The following DNAH2 variants were observed in gnomAD, a reference collection of about 807,000 sequenced individuals.
DNAH2 encodes dynein axonemal heavy chain 2.
DNAH2 carries 323 observed loss-of-function variants against 523.5 expected under a neutral mutation model. The ratio of observed to expected loss-of-function variants is 0.62; its 90% CI spans 0.56 to 0.68. DNAH2 has a LOEUF of 0.68. Among genes scored for constraint, DNAH2 ranks in the 30% least tolerant of loss-of-function variants. The pLI, the probability that DNAH2 is intolerant of heterozygous loss-of-function variation, is 0.00. For synonymous variants in DNAH2, 2,093 were observed against 2,177.4 expected (o/e 0.96, Z 1.08); for missense variants, 4,907 against 5,701.5 (o/e 0.86, Z 4.49).
In DNAH2 at chr17:7,817,863, G is replaced by A. The variant is rs760556704; in HGVS notation, c.10236+7G>A. On this transcript the variant is annotated splice_region_variant and intron_variant, in intron 67 of 85. Coordinates refer to ENST00000572933, the MANE Select transcript of DNAH2 (RefSeq NM_020877.5). The stretch of plus-strand genomic sequence containing the variant: ...GAACATGGAAGGAGGCCAGGTGTGA[G>A]GCTGGGGGGTCAGGTTAGCCCCCCC... 3 of 1,612,410 alleles carry A rather than the reference G, an allele frequency of 1.9e-6. No individual in the cohort carries two copies. The South Asian group carries it at 3.3e-5, about 18-fold the overall frequency.
At position 7,740,961 on chromosome 17, in the gene DNAH2, T is replaced by G. The variant is rs1555540448; in HGVS notation, c.1658T>G (p.Ile553Ser). 3.7e-6 allele frequency: 6 copies of G among 1,606,602 alleles called. No individual in the cohort carries two copies. The highest frequency in any genetic ancestry group is 5.1e-6 in the Non-Finnish European group (6 of 1,174,146). ...QYSGKARWVH[I>S]LRRRIDRVMT... ...TCCGGAAAGGCGCGCTGGGTGCACA[T>G]CCTCCGGCGTCGCATCGACAGAGTC... is the stretch of plus-strand genomic sequence containing the variant. Residue 553 changes from isoleucine (I) to serine (S), a missense_variant, in exon 11 of 86, where the codon ATC (isoleucine) becomes AGC (serine). By Grantham distance (142) the Ile-to-Ser change is moderately radical (BLOSUM62 -2). Around this residue, in one of 3 missense-constraint regions of DNAH2, gnomAD observed 2,806 missense variants for 3,190.8 expected, o/e 0.88. Transcript: ENST00000572933.
chr17:7,721,183 T>A (rs2074593931), intron 2 of DNAH2, among the ~76,000 whole-genome samples: 2 of 151,804 alleles, frequency 1.3e-5, no homozygotes, highest in African/African-American at 2.4e-5. Flanking sequence ...TTATTTTTTT[T>A]ATTTTTTTGA....
At chr17:7,755,554 G>A (rs1188243986) in intron 12 of DNAH2, among the ~76,000 whole-genome samples, 4 of 152,114 alleles carry the variant, frequency 2.6e-5, no homozygotes, top group Non-Finnish European at 4.4e-5. Flanking sequence ...GAAAAACCAG[G>A]GGTCAGTGGT....
chr17:7,806,942 G>A lies in DNAH2; in HGVS notation c.9443-208G>A, dbSNP rs1408333230. Among the ~76,000 whole-genome samples the A allele has an allele frequency of 2.6e-5, 4 of 152,246 alleles. No homozygotes were observed. The East Asian group carries it at 7.7e-4, about 29-fold the overall frequency. The stretch of plus-strand genomic sequence containing the variant: ...CAAGGTAAGTGATGAGAGAGGAGCT[G>A]GGAAGATTGTCGAGGACCTTGGGGA... On this transcript the variant is annotated intron_variant, in intron 61 of 85. Transcript: ENST00000572933.
At chr17:7,738,682 C>T (rs1597486928) in intron 8 of DNAH2, among the ~76,000 whole-genome samples, 2 of 152,238 alleles carry the variant, frequency 1.3e-5, no homozygotes, top group Middle Eastern at 6.8e-3. Flanking sequence ...CCTACCTGGT[C>T]TTTTCCTCCT....
At position 7,798,383 on chromosome 17, in the gene DNAH2, T is replaced by G; in HGVS notation, c.8398+59T>G. The G allele has an allele frequency of 6.4e-7, 1 of 1,561,160 alleles. No homozygotes were observed. Among genetic ancestry groups the G allele is most frequent in the Non-Finnish European group, 8.7e-7 (1 of 1,151,828 alleles). On this transcript the variant is annotated intron_variant, in intron 54 of 85. Transcript: ENST00000572933. This position sits in a 1 kb window ranked among gnomAD's most constrained non-coding sequence, Gnocchi z 5.5. ...AGATCAGATGCATACATTCCTGCAG[T>G]GACAAGAGAGGAGAGATGGCAGCCA...
Position 7,833,506 on chromosome 17 carries a change from T to A in DNAH2, c.13257T>A (p.Thr4419=). The change falls in exon 86 of 86, where the codon ACT becomes ACA. Residue 4419 remains threonine, a synonymous_variant. Coordinates refer to ENST00000572933, the MANE Select transcript of DNAH2 (RefSeq NM_020877.5). ...MTPDHWIKRG[T]ALLMSLDS ...CTGATCATTGGATCAAGAGGGGCACTGCTCTACTCATGAGCCTGGACAGCT... is the reference window on the plus strand; with the variant it reads ...CTGATCATTGGATCAAGAGGGGCACAGCTCTACTCATGAGCCTGGACAGCT... 6.2e-7 allele frequency: 1 copy of A among 1,614,114 alleles called. No individual in the cohort carries two copies. The highest frequency in any genetic ancestry group is 8.5e-7 in the Non-Finnish European group (1 of 1,180,046).
At chr17:7,768,902 T>C (rs931042013) in intron 24 of DNAH2, among the ~76,000 whole-genome samples, 4 of 152,118 alleles carry the variant, frequency 2.6e-5, no homozygotes, top group African/African-American at 7.2e-5. Context: ...GGCTGAAGAG[T>C]ATTTCTTTGT....
At chr17:7,779,132 T>G in intron 35 of DNAH2, 111 bp from the exon 36 acceptor site, 2 of 1,304,158 alleles carry the variant, frequency 1.5e-6, no homozygotes, top group Non-Finnish European at 2.1e-6. Flanking sequence ...TGCCCCCTAG[T>G]CTGGAGGCCG....
At chr17:7,792,588 G>A in intron 46 of DNAH2, 69 bp from the exon 47 acceptor site, 1 of 1,349,836 alleles carries the variant, frequency 7.4e-7, no homozygotes, top group Non-Finnish European at 1.0e-6. Flanking sequence ...TGACGTAGAG[G>A]GAAAGGAAGT....
rs1479062833 is a variant in DNAH2 at position 7,817,568 on chromosome 17, A to G, written c.10028A>G (p.Glu3343Gly). The change falls in exon 66 of 86, where the codon GAG (glutamate) becomes GGG (glycine). Residue 3343 changes from glutamate to glycine, a missense_variant. This residue lies in a region of DNAH2 where 1,851 missense variants were observed against 2,139.4 expected (regional missense o/e 0.87). Transcript: ENST00000572933. ...VNQIWIGKIWELQVPCSPSFA... is the reference protein window; with the variant it reads ...VNQIWIGKIWGLQVPCSPSFA... The stretch of plus-strand genomic sequence containing the variant: ...GGGCTTTTCTCTCCCCAGATCTGGG[A>G]GCTTCAGGTTCCTTGCTCCCCTTCT... 6.2e-7 allele frequency: 1 copy of G among 1,613,856 alleles called. No homozygotes were observed. Among genetic ancestry groups the G allele is most frequent in the Non-Finnish European group, 8.5e-7 (1 of 1,179,992 alleles).
At position 7,780,906 on chromosome 17, in the gene DNAH2, T is replaced by TC; in HGVS notation, c.6003+128dup. The TC allele has an allele frequency of 6.3e-7, 1 of 1,580,032 alleles. No homozygotes were observed. The highest frequency in any genetic ancestry group is 1.1e-5 in the South Asian group (1 of 88,098). On this transcript the variant is annotated intron_variant, in intron 38 of 85. Transcript: ENST00000572933. This position sits in a 1 kb window ranked among gnomAD's most constrained non-coding sequence, Gnocchi z 4.4. ...ATTCTCACCTTCCCACCTCGTCCCA[T>TC]CCCCGTGTTGCCCGCTGCTTTGCTA...
chr17:7,830,483 G>A lies in DNAH2; in HGVS notation c.12037G>A (p.Asp4013Asn), dbSNP rs1328842708. 9.9e-6 allele frequency: 16 copies of A among 1,614,038 alleles called. No individual in the cohort carries two copies. The highest frequency in any genetic ancestry group is 1.4e-5 in the Non-Finnish European group (16 of 1,179,958). The change falls in exon 78 of 86, where the codon GAC becomes AAC. Residue 4013 changes from aspartate to asparagine, a missense_variant. This residue lies in a region of DNAH2 where 1,851 missense variants were observed against 2,139.4 expected (regional missense o/e 0.87). Transcript: ENST00000572933. ...CATCATCTATGGCTTCAATGACTCC[G>A]ACTTTGAGGTTTGCATTAGCCAGGG... ...WNIIYGFNDS[D>N]FEVSENLLSL...
rs778722534 is a variant in DNAH2 at position 7,759,629 on chromosome 17, C to T, written c.2637+19C>T. 5 of 1,609,686 alleles carry T rather than the reference C, an allele frequency of 3.1e-6. No homozygotes were observed. Among genetic ancestry groups the T allele is most frequent in the Non-Finnish European group, 4.2e-6 (5 of 1,177,520 alleles). On this transcript the variant is annotated intron_variant, in intron 16 of 85. Coordinates refer to ENST00000572933, the MANE Select transcript of DNAH2 (RefSeq NM_020877.5). Reference sequence around the variant, plus strand: ...GGCACAGGTAAGAACCACTTTGCCCCCAACATCTCAAAACCATTGCATCTT... The same window carrying T: ...GGCACAGGTAAGAACCACTTTGCCCTCAACATCTCAAAACCATTGCATCTT...
chr17:7,740,072 G>GC (rs1484766830), intron 9 of DNAH2, 134 bp downstream of exon 9: 4 of 665,576 alleles, frequency 6.0e-6, no homozygotes, highest in African/African-American at 1.9e-5. Flanking sequence ...GGCCCGGGGG[G>GC]GGGGACAGGA....
At chr17:7,818,279 G>A in intron 68 of DNAH2, 33 bp from the exon 69 acceptor site, 1 of 1,612,052 alleles carries the variant, frequency 6.2e-7, no homozygotes, top group Non-Finnish European at 8.5e-7. Flanking sequence ...CCATCACATG[G>A]AGTCCTTGCC....
intron 39 of DNAH2, among the ~76,000 whole-genome samples, chr17:7,785,242 C>T (rs8078048): frequency 0.25 from 38,442 of 151,792 alleles, 5,786 homozygotes; most frequent in Non-Finnish European, 0.35. Flanking sequence ...GCTGGGACTA[C>T]AGGCACACGC....
At chr17:7,722,715 G>A (rs534636097) in intron 2 of DNAH2, among the ~76,000 whole-genome samples, 111 of 152,160 alleles carry the variant, frequency 7.3e-4, no homozygotes, top group Middle Eastern at 3.4e-3. Context: ...GAACCACACC[G>A]CCATGCCTTC....
At chr17:7,813,450 T>C (rs2077575438) in intron 63 of DNAH2, among the ~76,000 whole-genome samples, 1 of 152,100 alleles carries the variant, frequency 6.6e-6, no homozygotes, top group Non-Finnish European at 1.5e-5. Flanking sequence ...AACACAAATG[T>C]GTATCCGTAG....
Sources: allele counts gnomAD v4.1 joint callset (sites outside exome capture counted in the v4.1 genomes callset), GRCh38; gene constraint gnomAD v4.1.1; regional missense constraint gnomAD v4.1.1; non-coding constraint Gnocchi (gnomAD v3.1); transcripts MANE v1.5; gene names NCBI Gene and HGNC (gene_info 2026-07-23, HGNC 2026-07-21).